The following MYH14 variants were observed in gnomAD, a reference collection of about 807,000 sequenced individuals.
MYH14 encodes the protein myosin-14.
MYH14 carries 123 observed loss-of-function variants against 255.5 expected under a neutral mutation model. The observed-to-expected ratio is 0.48, with a 90% confidence interval of 0.42 to 0.56. The LOEUF (loss-of-function observed/expected upper bound fraction) is 0.56. Among genes scored for constraint, MYH14 ranks in the 20% least tolerant of loss-of-function variants. The pLI is 0.00. For synonymous variants in MYH14, 1,095 were observed against 1,161.2 expected, an observed-to-expected ratio of 0.94 and a Z score of 1.16; for missense variants, 2,423 against 2,802.3, an observed-to-expected ratio of 0.86 and a Z score of 3.06.
At chr19:50,239,015 A>C (rs679360) in intron 10 of MYH14, among the ~76,000 whole-genome samples, 146,694 of 152,206 alleles carry the variant, frequency 0.96, 70,741 homozygotes, top group African/African-American at 0.99. Flanking sequence ...CCAAAAAAAA[A>C]CAAAAAAAAT....
In MYH14 at chr19:50,225,686, CA is replaced by C. The variant is rs1388074278; in HGVS notation, c.810+10del. On this transcript the variant is annotated intron_variant, in intron 7 of 42. Transcript: ENST00000642316. The stretch of plus-strand genomic sequence containing the variant: ...ACAACTCCTCCCGATTCGTGAGTGC[CA>C]GGGGTGGGCAGTGCTGGCTGTGTCA... 1.2e-6 allele frequency: 2 copies of C among 1,607,474 alleles called. No individual in the cohort carries two copies. The highest frequency in any genetic ancestry group is 2.2e-5 in the East Asian group (1 of 44,842).
chr19:50,244,193 A>C (rs1034533455), intron 10 of MYH14, 49 bp from the exon 11 acceptor site: 1 of 1,537,836 alleles, frequency 6.5e-7, no homozygotes, highest in Non-Finnish European at 9.0e-7. Context: ...AGTTAAGACC[A>C]CACATCGGGG....
intron 34 of MYH14, 59 bp from the exon 35 acceptor site, chr19:50,289,377 G>A: frequency 7.2e-7 from 1 of 1,398,006 alleles, no homozygotes; most frequent in Non-Finnish European, 9.9e-7. Context: ...ACTCTAGCTA[G>A]GCTCCTAACC....
Position 50,280,707 on chromosome 19 carries a change from C to A in MYH14, c.4290+324C>A, listed in dbSNP as rs75847982. Among the ~76,000 whole-genome samples, 7,101 of 152,132 alleles carry A rather than the reference C, an allele frequency of 0.047. 247 individuals carry two copies. The highest frequency in any genetic ancestry group is 0.19 in the East Asian group (958 of 5,136). On this transcript the variant is annotated intron_variant, in intron 32 of 42. Transcript: ENST00000642316. This position sits in a 1 kb window ranked among gnomAD's most constrained non-coding sequence, Gnocchi z 4.8. ...CTCATCCCCTGCACAGCCCCAGAAG[C>A]TTCTTTCTTTACCTGGAGCTGACCC...
At chr19:50,203,787 G>C (rs1252847331) in intron 1 of MYH14, 116 bp downstream of exon 1, 1 of 152,484 alleles carries the variant, frequency 6.6e-6, no homozygotes, top group Non-Finnish European at 1.5e-5. Flanking sequence ...GGCCGGGGAC[G>C]GCGGGGAGGT....
intron 3 of MYH14, among the ~76,000 whole-genome samples, chr19:50,220,858 T>C (rs938210950): frequency 5.3e-5 from 8 of 152,172 alleles, no homozygotes; most frequent in Admixed American, 2.0e-4. Flanking sequence ...CGGCCTAATA[T>C]GCTTATTTAA....
Position 50,266,064 on chromosome 19 carries a change from G to A in MYH14, c.2695-813G>A, listed in dbSNP as rs1214458805. Among the ~76,000 whole-genome samples, 1 of 152,174 alleles carries A rather than the reference G, an allele frequency of 6.6e-6. No individual in the cohort carries two copies. Among genetic ancestry groups the A allele is most frequent in the East Asian group, 1.9e-4 (1 of 5,188 alleles). ...TAGAAGGGATACAGAATTGGGTGGA[G>A]AGGAAAAGAATCAAGTAGACTTGTG... On this transcript the variant is annotated intron_variant, in intron 22 of 42. Transcript: ENST00000642316. This position sits in a 1 kb window ranked among gnomAD's most constrained non-coding sequence, Gnocchi z 4.1.
intron 18 of MYH14, among the ~76,000 whole-genome samples, 160 bp from the exon 19 acceptor site, chr19:50,258,984 T>C (rs918582751): frequency 2.0e-5 from 3 of 152,164 alleles, no homozygotes; most frequent in African/African-American, 7.2e-5. Flanking sequence ...GATTTCCCCC[T>C]GGTTTGAGCA....
intron 40 of MYH14, among the ~76,000 whole-genome samples, chr19:50,305,436 A>G (rs1434097313): frequency 3.3e-5 from 5 of 152,026 alleles, no homozygotes; most frequent in Non-Finnish European, 7.4e-5. Context: ...TTCGTTGTGG[A>G]ACTTGATGAG....
intron 33 of MYH14, among the ~76,000 whole-genome samples, chr19:50,283,608 A>G (rs1005041654): frequency 6.6e-6 from 1 of 152,168 alleles, no homozygotes. Context: ...ATAAAACCTT[A>G]GTCTTTCTCA....
chr19:50,210,627 C>CGGCTGCGA lies in MYH14; in HGVS notation c.263_270dup (p.Leu91GlyfsTer12). 6.4e-7 allele frequency: 1 copy of CGGCTGCGA among 1,569,666 alleles called. No homozygotes were observed. Among genetic ancestry groups the CGGCTGCGA allele is most frequent in the Non-Finnish European group, 8.6e-7 (1 of 1,158,702 alleles). On this transcript the variant is annotated frameshift_variant, in exon 2 of 43. Coordinates refer to ENST00000642316, the MANE Select transcript of MYH14 (RefSeq NM_001145809.2). LOFTEE classifies it high-confidence loss of function. ...GGTGGAGCTGGCGGAGAGCGGGAGG[C>CGGCTGCGA]GGCTGCGACTGCCGCGGGACCAGAT...
intron 39 of MYH14, among the ~76,000 whole-genome samples, chr19:50,294,065 C>A (rs547224673): frequency 6.6e-6 from 1 of 152,226 alleles, no homozygotes; most frequent in Non-Finnish European, 1.5e-5. Flanking sequence ...AGCATGTTTT[C>A]CTTTGCATAT....
chr19:50,246,243 G>A (rs1028762243), intron 11 of MYH14, among the ~76,000 whole-genome samples: 1 of 151,438 alleles, frequency 6.6e-6, no homozygotes, highest in Non-Finnish European at 1.5e-5. Flanking sequence ...GGGTTCAAGC[G>A]ATTCTCCCTG....
At chr19:50,226,624 C>G (rs939145032) in intron 7 of MYH14, among the ~76,000 whole-genome samples, 57 of 152,010 alleles carry the variant, frequency 3.7e-4, no homozygotes, top group Non-Finnish European at 5.9e-4. Flanking sequence ...ATCCCTGGGT[C>G]TGAGGGAGGA....
At chr19:50,305,568 A>G (rs983186384) in intron 40 of MYH14, among the ~76,000 whole-genome samples, 8 of 152,002 alleles carry the variant, frequency 5.3e-5, no homozygotes, top group Admixed American at 3.3e-4. Flanking sequence ...CTTGAGGTCT[A>G]TGGGGACCCC....
chr19:50,268,335 A>C lies in MYH14; in HGVS notation c.3001A>C (p.Thr1001Pro). The C allele has an allele frequency of 6.3e-7, 1 of 1,585,502 alleles. No individual in the cohort carries two copies. Among genetic ancestry groups the C allele is most frequent in the Non-Finnish European group, 8.6e-7 (1 of 1,166,954 alleles). Residue 1001 changes from threonine to proline, a missense_variant, in exon 24 of 43, where the codon ACC becomes CCC. Physicochemically the swap from Thr to Pro is conservative, Grantham distance 38 (BLOSUM62 -1). Around this residue, in one of 3 missense-constraint regions of MYH14, gnomAD observed 1,513 missense variants for 1,674.8 expected, o/e 0.90. Transcript: ENST00000642316. ...GGAGGAGTGCAGCCGTCAAATGCAA[A>C]CCGAGAAGAAGAGGCTGCAGCAGCA... is the stretch of plus-strand genomic sequence containing the variant. Reference protein sequence around the residue: ...EEEECSRQMQTEKKRLQQHIQ... With the variant: ...EEEECSRQMQPEKKRLQQHIQ...
intron 3 of MYH14, among the ~76,000 whole-genome samples, chr19:50,219,885 A>C (rs1199527259): frequency 1.3e-5 from 2 of 152,148 alleles, no homozygotes; most frequent in African/African-American, 4.8e-5. Flanking sequence ...AACATTTAAA[A>C]ATTATATCTA....
At chr19:50,255,553 G>A (rs770422765) in intron 17 of MYH14, among the ~76,000 whole-genome samples, 8 of 152,206 alleles carry the variant, frequency 5.3e-5, no homozygotes, top group Admixed American at 1.3e-4. Flanking sequence ...GTACCAGCTC[G>A]CGTTTCTTGA....
chr19:50,232,425 C>G (rs1239679966), intron 10 of MYH14, among the ~76,000 whole-genome samples: 1 of 120,526 alleles, frequency 8.3e-6, no homozygotes. Flanking sequence ...AACACCGTTT[C>G]TACTGAAAAT....
Sources: allele counts gnomAD v4.1 joint callset (sites outside exome capture counted in the v4.1 genomes callset), GRCh38; gene constraint gnomAD v4.1.1; regional missense constraint gnomAD v4.1.1; non-coding constraint Gnocchi (gnomAD v3.1); transcripts MANE v1.5; gene names NCBI Gene and HGNC (gene_info 2026-07-23, HGNC 2026-07-21).